The following DPY19L2 variants were observed in gnomAD, a reference collection of about 807,000 sequenced individuals.
DPY19L2 encodes probable C-mannosyltransferase DPY19L2.
DPY19L2 carries 34 observed loss-of-function variants against 97.9 expected under a neutral mutation model. The observed-to-expected ratio is 0.35, with a 90% CI of 0.26 to 0.46. The LOEUF is 0.46. Ranked by LOEUF, DPY19L2 falls within the 20% of genes least tolerant of loss-of-function variation. The pLI, the probability that DPY19L2 is intolerant of heterozygous loss-of-function variation, is 1.00. For synonymous variants in DPY19L2, 230 were observed against 307.9 expected (o/e 0.75, Z 2.65); for missense variants, 623 against 911.4 (o/e 0.68, Z 4.07).
intron 19 of DPY19L2, among the ~76,000 whole-genome samples, chr12:63,573,708 T>C (rs1040544360): frequency 7.2e-5 from 11 of 151,942 alleles, no homozygotes; most frequent in African/African-American, 1.9e-4. Context: ...ACAAATAACA[T>C]ACAATGGAGA....
At chr12:63,648,701 T>C in intron 4 of DPY19L2, among the ~76,000 whole-genome samples, 1 of 151,970 alleles carries the variant, frequency 6.6e-6, no homozygotes, top group Non-Finnish European at 1.5e-5. Flanking sequence ...CTTCCCCCTT[T>C]TCCCCTTCCT....
At chr12:63,570,040 G>A (rs187892685) in intron 20 of DPY19L2, among the ~76,000 whole-genome samples, 2 of 152,270 alleles carry the variant, frequency 1.3e-5, no homozygotes, top group South Asian at 2.1e-4. Context: ...TTTCTAAGGT[G>A]TCTGACTCCA....
In DPY19L2 at chr12:63,580,770, A is replaced by T; in HGVS notation, c.1792T>A (p.Ser598Thr). The T allele has an allele frequency of 1.9e-6, 3 of 1,613,636 alleles. No individual in the cohort carries two copies. The highest frequency in any genetic ancestry group is 2.5e-6 in the Non-Finnish European group (3 of 1,179,678). Residue 598 changes from serine to threonine, a missense_variant, in exon 19 of 22, where the codon TCA becomes ACA. Ser to Thr is a moderately conservative substitution (Grantham distance 58). This residue lies in a region of DPY19L2 where 294 missense variants were observed against 446.2 expected (regional missense o/e 0.66). Transcript: ENST00000324472. ...KVIFGILTVMSIQGYANLRNQ... is the reference protein window; with the variant it reads ...KVIFGILTVMTIQGYANLRNQ... ...CGGAGGTTTGCATAACCTTGTATTG[A>T]CATCACTGTTAAAATGCCAAAGATA...
chr12:63,588,226 A>G (rs1882147942), intron 16 of DPY19L2, among the ~76,000 whole-genome samples: 1 of 152,090 alleles, frequency 6.6e-6, no homozygotes, highest in Non-Finnish European at 1.5e-5. Context: ...AAAAAGAATG[A>G]CCTCGTTATG....
chr12:63,668,718 C>T (rs1051014651), upstream of DPY19L2: 3 of 338,464 alleles, frequency 8.9e-6, no homozygotes, highest in South Asian at 3.6e-5. Context: ...CTGCAGCCTC[C>T]GGTGCGCGCA....
chr12:63,641,754 T>C (rs183541566), intron 6 of DPY19L2, among the ~76,000 whole-genome samples: 2 of 152,272 alleles, frequency 1.3e-5, no homozygotes, highest in East Asian at 1.9e-4. Flanking sequence ...TTGCAGATAA[T>C]GCTACTATAT....
intron 21 of DPY19L2, among the ~76,000 whole-genome samples, chr12:63,568,206 C>G (rs1878130882): frequency 6.6e-6 from 1 of 151,960 alleles, no homozygotes; most frequent in Admixed American, 6.6e-5. Flanking sequence ...ACTATTCTCT[C>G]TTGATCTATC....
At chr12:63,613,201 G>A (rs7971860) in intron 11 of DPY19L2, among the ~76,000 whole-genome samples, 29,080 of 151,866 alleles carry the variant, frequency 0.19, 4,141 homozygotes, top group African/African-American at 0.42. Flanking sequence ...TGTCACAAGA[G>A]AACTATGAAC....
intron 6 of DPY19L2, among the ~76,000 whole-genome samples, chr12:63,633,206 T>C (rs1891029099): frequency 1.3e-5 from 2 of 151,974 alleles, no homozygotes; most frequent in Admixed American, 1.3e-4. Context: ...AAAGCCGAAA[T>C]TGACAAATGG....
At chr12:63,641,277 C>T (rs537800707) in intron 6 of DPY19L2, among the ~76,000 whole-genome samples, 2 of 150,924 alleles carry the variant, frequency 1.3e-5, no homozygotes, top group Non-Finnish European at 3.0e-5. Context: ...ATCCTTTTCC[C>T]TCAAAATACT....
chr12:63,634,851 G>C (rs1412727261), intron 6 of DPY19L2, among the ~76,000 whole-genome samples: 1 of 152,190 alleles, frequency 6.6e-6, no homozygotes, highest in Non-Finnish European at 1.5e-5. Context: ...CTCCACCTCT[G>C]GGGGCAGGAC....
intron 4 of DPY19L2, among the ~76,000 whole-genome samples, chr12:63,654,147 T>TA: frequency 6.6e-6 from 1 of 151,638 alleles, no homozygotes; most frequent in South Asian, 2.1e-4. Flanking sequence ...GAGGAAGAAA[T>TA]AAAAAAACAT....
In DPY19L2 at chr12:63,594,159, A is replaced by T. The variant is rs542819076; in HGVS notation, c.1534-26T>A. The T allele has an allele frequency of 2.8e-5, 42 of 1,497,650 alleles. No individual in the cohort carries two copies. The South Asian group carries it at 4.5e-4, about 16-fold the overall frequency. 92.8% of individuals were successfully genotyped at this position (1,497,650 alleles called of 1,614,324 possible). On this transcript the variant is annotated intron_variant, in intron 15 of 21. Coordinates refer to ENST00000324472, the MANE Select transcript of DPY19L2 (RefSeq NM_173812.5). Reference sequence around the variant, plus strand: ...CTGTGAATAGAATCAAATCAATGAAACTTTTGTAAGGAATACTGCAATATT... The same window carrying T: ...CTGTGAATAGAATCAAATCAATGAATCTTTTGTAAGGAATACTGCAATATT...
intron 12 of DPY19L2, among the ~76,000 whole-genome samples, chr12:63,607,554 T>C (rs1413337225): frequency 2.0e-5 from 3 of 152,152 alleles, no homozygotes; most frequent in African/African-American, 2.4e-5. Flanking sequence ...AAGGAGAAAA[T>C]AGCAACTCCT....
chr12:63,578,811 T>G lies in DPY19L2; in HGVS notation c.1900+1851A>C, dbSNP rs553229770. 2.0e-5 allele frequency among the ~76,000 whole-genome samples: 3 copies of G among 152,144 alleles called. 1 individual carries two copies. The highest frequency in any genetic ancestry group is 7.2e-5 in the African/African-American group (3 of 41,518). ...GGTTCTCAGGCAGGCATGATTTTGC[T>G]CCCTAGGGAGCACTATCAACTTCTG... On this transcript the variant is annotated intron_variant, in intron 19 of 21. Transcript: ENST00000324472.
At chr12:63,588,823 A>C (rs1415442822) in intron 16 of DPY19L2, among the ~76,000 whole-genome samples, 2 of 142,746 alleles carry the variant, frequency 1.4e-5, no homozygotes, top group East Asian at 4.1e-4. Flanking sequence ...GCGCGATCTC[A>C]GCTCACTGAA....
At chr12:63,600,559 A>G (rs543984408) in intron 12 of DPY19L2, among the ~76,000 whole-genome samples, 173 bp from the exon 13 acceptor site, 1 of 149,942 alleles carries the variant, frequency 6.7e-6, no homozygotes, top group South Asian at 2.2e-4. Flanking sequence ...ATTAAAACTG[A>G]TGACACTGGT....
chr12:63,572,012 A>G lies in DPY19L2; in HGVS notation c.1901-1155T>C, dbSNP rs199940321. Among the ~76,000 whole-genome samples, 22 of 149,698 alleles carry G rather than the reference A, an allele frequency of 1.5e-4. No individual in the cohort carries two copies. In the East Asian group the frequency reaches 3.2e-3, roughly 22 times the overall value. On this transcript the variant is annotated intron_variant, in intron 19 of 21. Transcript: ENST00000324472. ...CTCCACTGTTCATCCTCCCCTCAGGAACACCAAATGTGATAATGATCTACA... is the reference window on the plus strand; with the variant it reads ...CTCCACTGTTCATCCTCCCCTCAGGGACACCAAATGTGATAATGATCTACA...
intron 9 of DPY19L2, among the ~76,000 whole-genome samples, 199 bp from the exon 10 acceptor site, chr12:63,618,427 A>T (rs1888177114): frequency 6.6e-6 from 1 of 152,172 alleles, no homozygotes; most frequent in East Asian, 1.9e-4. Flanking sequence ...TTAAATACGT[A>T]TAAAAGCCAC....
Sources: allele counts gnomAD v4.1 joint callset (sites outside exome capture counted in the v4.1 genomes callset), GRCh38; gene constraint gnomAD v4.1.1; regional missense constraint gnomAD v4.1.1; transcripts MANE v1.5; gene names NCBI Gene and HGNC (gene_info 2026-07-23, HGNC 2026-07-21).